WDR31: variants seen among roughly 807,000 people sequenced by gnomAD.
The protein encoded by WDR31 is WD repeat domain 31, also known as WD repeat-containing protein 31.
WDR31 carries 30 observed loss-of-function variants against 47.3 expected under a neutral mutation model. The ratio of observed to expected loss-of-function variants is 0.63; its 90% confidence interval spans 0.47 to 0.86. The LOEUF (loss-of-function observed/expected upper bound fraction) is 0.86, where lower values mean the gene tolerates loss of function less well. WDR31 is among the 40% of genes least tolerant of loss of function. WDR31 has a pLI of 0.00. For synonymous variants in WDR31, 137 were observed against 159.4 expected (o/e 0.86, Z 1.06); for missense variants, 406 against 442.9 (o/e 0.92, Z 0.75).
At chr9:113,338,056 A>G (rs1454831617) in intron 1 of WDR31, among the ~76,000 whole-genome samples, 2 of 152,246 alleles carry the variant, frequency 1.3e-5, no homozygotes, top group African/African-American at 4.8e-5. Context: ...GCATCTCTAC[A>G]AAAGCTGGTG....
chr9:113,329,411 C>A (rs1179869711), intron 4 of WDR31, among the ~76,000 whole-genome samples: 1 of 151,700 alleles, frequency 6.6e-6, no homozygotes, highest in East Asian at 1.9e-4. Flanking sequence ...GAGGCCAAGG[C>A]GGGCAGATCA....
Position 113,316,748 on chromosome 9 carries a change from C to T in WDR31, c.*1G>A. 1.2e-6 allele frequency: 2 copies of T among 1,613,178 alleles called. No individual in the cohort carries two copies. Among genetic ancestry groups the T allele is most frequent in the Admixed American group, 1.7e-5 (1 of 59,946 alleles). On this transcript the variant is annotated 3_prime_UTR_variant, in exon 11 of 11. Transcript: ENST00000374193. ...TATTGTCCAGTGAGTGTCTCTTGGC[C>T]TCAGAATGCTGCCACTTCCTGCAGT...
chr9:113,324,824 ATATATGTGTGTGTG>A (rs1306078037), intron 5 of WDR31, among the ~76,000 whole-genome samples: 2 of 93,094 alleles, frequency 2.1e-5, no homozygotes, highest in African/African-American at 9.8e-5. Flanking sequence ...TGCTATATAT[ATATATGTGTGTGTG>A]TGTGTGTGTG....
In WDR31 at chr9:113,320,474, C is replaced by A. The variant is rs147912768; in HGVS notation, c.663G>T (p.Gln221His). The A allele has an allele frequency of 1.7e-5, 27 of 1,614,050 alleles. No homozygotes were observed. In the African/African-American group the frequency reaches 3.5e-4, roughly 21 times the overall value. Reference sequence around the variant, plus strand: ...GCTTTGCAGGAAACATATGAGCTACCTGCAGCCCCCGACTGTCCCATAATC... The same window carrying A: ...GCTTTGCAGGAAACATATGAGCTACATGCAGCCCCCGACTGTCCCATAATC... Reference protein sequence around the residue: ...TLRLWDSRGLQVAHMFPAKQH... With the variant: ...TLRLWDSRGLHVAHMFPAKQH... Residue 221 changes from glutamine to histidine, a missense_variant, in exon 9 of 11, where the codon CAG becomes CAT. Physicochemically the swap from Gln to His is conservative, Grantham distance 24. Coordinates refer to ENST00000374193, the MANE Select transcript of WDR31 (RefSeq NM_001012361.4).
intron 5 of WDR31, among the ~76,000 whole-genome samples, chr9:113,323,990 T>C (rs2072533626): frequency 6.6e-6 from 1 of 152,248 alleles, no homozygotes; most frequent in Non-Finnish European, 1.5e-5. Flanking sequence ...ATATCTTTGC[T>C]GACCTACTCT....
intron 3 of WDR31, among the ~76,000 whole-genome samples, chr9:113,331,635 T>C (rs1355367450): frequency 1.3e-5 from 2 of 152,160 alleles, no homozygotes; most frequent in Non-Finnish European, 1.5e-5. Context: ...TTTGTAGAGA[T>C]GGGGTTTCGC....
In WDR31 at chr9:113,323,018, C is replaced by T. The variant is rs1833363971; in HGVS notation, c.462G>A (p.Val154=). ...GHAMVVTGLA[V]SPDSSQLCTG... ...AGGTCCGCTTTGTTTTACCTGGACT[C>T]ACAGCCAATCCGGTGACCACCATGG... The change falls in exon 6 of 11, where the codon GTG becomes GTA. Residue 154 remains valine, a synonymous_variant. Transcript: ENST00000374193. 6.2e-7 allele frequency: 1 copy of T among 1,614,116 alleles called. No individual in the cohort carries two copies. Among genetic ancestry groups the T allele is most frequent in the Non-Finnish European group, 8.5e-7 (1 of 1,180,000 alleles).
intron 10 of WDR31, among the ~76,000 whole-genome samples, chr9:113,317,213 A>G (rs1254692268): frequency 6.6e-6 from 1 of 152,188 alleles, no homozygotes; most frequent in Non-Finnish European, 1.5e-5. Flanking sequence ...CAGAGAATAA[A>G]GCAGGGCCCA....
chr9:113,317,578 T>G (rs1307846137), intron 10 of WDR31, among the ~76,000 whole-genome samples: 1 of 152,216 alleles, frequency 6.6e-6, no homozygotes, highest in Non-Finnish European at 1.5e-5. Context: ...GTCCTTACTA[T>G]GGAAGTTTGG....
intron 5 of WDR31, among the ~76,000 whole-genome samples, chr9:113,324,332 C>A (rs1833403534): frequency 6.6e-6 from 1 of 151,198 alleles, no homozygotes; most frequent in Non-Finnish European, 1.5e-5. Flanking sequence ...CCGGCTCTTA[C>A]TTAGCATAAT....
At chr9:113,329,493 A>C in intron 4 of WDR31, among the ~76,000 whole-genome samples, 1 of 150,954 alleles carries the variant, frequency 6.6e-6, no homozygotes. Context: ...ATACAAAATA[A>C]GCCAGGTGTG....
At chr9:113,320,162 C>A (rs1833293288) in intron 9 of WDR31, among the ~76,000 whole-genome samples, 195 bp downstream of exon 9, 1 of 152,182 alleles carries the variant, frequency 6.6e-6, no homozygotes, top group Non-Finnish European at 1.5e-5. Flanking sequence ...TCAATTAATC[C>A]TCCCGCCTTG....
rs1371178961 is a variant in WDR31 at position 113,320,439 on chromosome 9, T to C, written c.698A>G (p.Gln233Arg). 1.2e-6 allele frequency: 2 copies of C among 1,614,252 alleles called. No homozygotes were observed. Among genetic ancestry groups the C allele is most frequent in the Non-Finnish European group, 1.7e-6 (2 of 1,180,040 alleles). Reference protein sequence around the residue: ...AHMFPAKQHIQTYCEVSVDGH... With the variant: ...AHMFPAKQHIRTYCEVSVDGH... The stretch of plus-strand genomic sequence containing the variant: ...ATCCACACTGACTTCACAGTAGGTC[T>C]GAATGTGCTGCTTTGCAGGAAACAT... The change falls in exon 9 of 11, where the codon CAG (glutamine) becomes CGG (arginine). Residue 233 changes from glutamine to arginine, a missense_variant. Coordinates refer to ENST00000374193, the MANE Select transcript of WDR31 (RefSeq NM_001012361.4).
chr9:113,331,118 T>TA lies in WDR31; in HGVS notation c.117-3dup. On this transcript the variant is annotated splice_region_variant and splice_polypyrimidine_tract_variant and intron_variant, in intron 3 of 10. Coordinates refer to ENST00000374193, the MANE Select transcript of WDR31 (RefSeq NM_001012361.4). ...TCTTCTATAATTTCATCAGGCCTGC[T>TA]AAAAAGAGTATAGAAAATGAGAGAC... The TA allele has an allele frequency of 1.6e-6, 2 of 1,261,038 alleles. No homozygotes were observed. Among genetic ancestry groups the TA allele is most frequent in the East Asian group, 5.5e-5 (1 of 18,100 alleles). The allele number at this position is 1,261,038 out of a possible 1,614,324, so 78.1% of individuals were successfully genotyped here.
intron 2 of WDR31, among the ~76,000 whole-genome samples, chr9:113,333,087 C>T (rs1833633904): frequency 6.6e-6 from 1 of 152,014 alleles, no homozygotes; most frequent in Non-Finnish European, 1.5e-5. Context: ...AACTACTTAG[C>T]CTCAGTTATT....
chr9:113,314,821 G>C lies in WDR31; in HGVS notation c.*1928C>G, dbSNP rs2118751610. 1 of 151,954 alleles carries C rather than the reference G, an allele frequency of 6.6e-6. No individual in the cohort carries two copies. 9.4% of individuals were successfully genotyped at this position (151,954 alleles called of 1,614,324 possible). On this transcript the variant is annotated 3_prime_UTR_variant, in exon 11 of 11. Coordinates refer to ENST00000374193, the MANE Select transcript of WDR31 (RefSeq NM_001012361.4). ...AGTAGAGACGGGGTTTCTCCATGTT[G>C]GTCAGGCTGGTCTCAAACTCCTGAC...
chr9:113,324,892 TTTAC>T (rs1833426085), intron 5 of WDR31, among the ~76,000 whole-genome samples: 2 of 151,628 alleles, frequency 1.3e-5, no homozygotes, highest in African/African-American at 4.8e-5. Context: ...CTGTTCTATA[TTTAC>T]TAACTGTTTT....
At chr9:113,324,058 A>G (rs1833394357) in intron 5 of WDR31, among the ~76,000 whole-genome samples, 1 of 152,092 alleles carries the variant, frequency 6.6e-6, no homozygotes, top group Non-Finnish European at 1.5e-5. Context: ...GTAAATATAC[A>G]TAAAACTTAC....
intron 8 of WDR31, among the ~76,000 whole-genome samples, chr9:113,321,016 G>T (rs1833315049): frequency 6.6e-6 from 1 of 152,114 alleles, no homozygotes; most frequent in South Asian, 2.1e-4. Context: ...TTTCTAAGGA[G>T]AATCTCTTCT....
Sources: allele counts gnomAD v4.1 joint callset (sites outside exome capture counted in the v4.1 genomes callset), GRCh38; gene constraint gnomAD v4.1.1; transcripts MANE v1.5; gene names NCBI Gene and HGNC (gene_info 2026-07-23, HGNC 2026-07-21).